The following GABRG3 variants were observed in gnomAD, a reference collection of about 807,000 sequenced individuals.
GABRG3 encodes gamma-aminobutyric acid type A receptor subunit gamma3, also known as gamma-aminobutyric acid receptor subunit gamma-3.
GABRG3 carries 25 observed loss-of-function variants against 48.8 expected under a neutral mutation model. The observed-to-expected ratio is 0.51, with a 90% CI of 0.37 to 0.72. GABRG3 has a LOEUF of 0.72. Ranked by LOEUF, GABRG3 falls within the 30% of genes least tolerant of loss-of-function variation. The probability of loss-of-function intolerance (pLI) is 0.00; values close to 1 mark genes in which losing one functional copy is unlikely to be tolerated. For missense variants in GABRG3, 394 were observed against 577.9 expected, an observed-to-expected ratio of 0.68 and a Z score of 3.26; for synonymous variants, 227 against 217.6, an observed-to-expected ratio of 1.04 and a Z score of -0.38.
chr15:27,257,524 C>A (rs998103756), intron 3 of GABRG3, among the ~76,000 whole-genome samples: 3 of 152,098 alleles, frequency 2.0e-5, no homozygotes, highest in Non-Finnish European at 2.9e-5. Context: ...ACATTGAAGT[C>A]TTTAAGATAT....
chr15:27,092,316 T>C (rs1185897921), intron 3 of GABRG3, among the ~76,000 whole-genome samples: 2 of 152,168 alleles, frequency 1.3e-5, no homozygotes, highest in East Asian at 3.9e-4. Context: ...GAATGCTTCT[T>C]TGTGTGTGTG....
intron 5 of GABRG3, among the ~76,000 whole-genome samples, chr15:27,331,741 T>C (rs1893809646): frequency 6.6e-6 from 1 of 152,202 alleles, no homozygotes; most frequent in Non-Finnish European, 1.5e-5. Context: ...CCTAGGTTCA[T>C]TGATGGTAAC....
chr15:27,159,176 A>G (rs1179967095), intron 3 of GABRG3, among the ~76,000 whole-genome samples: 1 of 152,150 alleles, frequency 6.6e-6, no homozygotes, highest in Non-Finnish European at 1.5e-5. Context: ...AGATAATACT[A>G]AAAGACTCAA....
intron 3 of GABRG3, among the ~76,000 whole-genome samples, chr15:27,194,312 G>A (rs1888427884): frequency 6.6e-6 from 1 of 152,120 alleles, no homozygotes; most frequent in African/African-American, 2.4e-5. Flanking sequence ...ATGTAAAGAT[G>A]GATTGTCAAT....
chr15:27,076,254 C>T (rs576347944), intron 3 of GABRG3, among the ~76,000 whole-genome samples: 20 of 152,036 alleles, frequency 1.3e-4, no homozygotes, highest in Non-Finnish European at 2.1e-4. Flanking sequence ...TGCCAAATCC[C>T]TGGAAGCTGC....
intron 5 of GABRG3, among the ~76,000 whole-genome samples, chr15:27,329,829 A>C (rs1404769155): frequency 6.6e-6 from 1 of 152,258 alleles, no homozygotes; most frequent in African/African-American, 2.4e-5. Flanking sequence ...TTTTAAGTTA[A>C]AATCAAAATG....
chr15:27,340,419 A>C (rs1894131116), intron 5 of GABRG3: 1 of 152,120 alleles, frequency 6.6e-6, no homozygotes, highest in East Asian at 1.9e-4. Flanking sequence ...TAAATAATCT[A>C]CCCACCAATG....
intron 3 of GABRG3, among the ~76,000 whole-genome samples, chr15:27,139,938 TG>T (rs1352503391): frequency 2.0e-5 from 3 of 152,110 alleles, no homozygotes; most frequent in African/African-American, 7.2e-5. Flanking sequence ...ACCCACATAG[TG>T]AAGTTTCCAT....
At chr15:27,008,732 G>A (rs1374319329) in intron 2 of GABRG3, among the ~76,000 whole-genome samples, 1 of 151,994 alleles carries the variant, frequency 6.6e-6, no homozygotes, top group East Asian at 1.9e-4. Context: ...AAGGGAAGGA[G>A]AGAATATTAA....
chr15:27,218,805 G>A (rs993541937), intron 3 of GABRG3, among the ~76,000 whole-genome samples: 2 of 152,196 alleles, frequency 1.3e-5, no homozygotes, highest in Non-Finnish European at 2.9e-5. Context: ...GGTGGTGACC[G>A]TGGCCAGGTC....
intron 3 of GABRG3, among the ~76,000 whole-genome samples, chr15:27,193,812 C>G (rs208140): frequency 6.6e-6 from 1 of 151,110 alleles, no homozygotes; most frequent in African/African-American, 2.4e-5. Context: ...TTTTCTGCGT[C>G]GCTCACGCTG....
chr15:27,386,089 A>G (rs376060115), intron 5 of GABRG3, among the ~76,000 whole-genome samples: 11 of 152,236 alleles, frequency 7.2e-5, no homozygotes, highest in African/African-American at 2.6e-4. Context: ...GTTTACCTCC[A>G]TAGGTATGGC....
At chr15:27,030,895 C>A (rs1377394439) in intron 3 of GABRG3, among the ~76,000 whole-genome samples, 3 of 152,058 alleles carry the variant, frequency 2.0e-5, no homozygotes, top group Non-Finnish European at 4.4e-5. Flanking sequence ...GCTGTACATA[C>A]CTGTAGGGCC....
At chr15:27,153,797 T>C (rs1898367145) in intron 3 of GABRG3, among the ~76,000 whole-genome samples, 1 of 152,208 alleles carries the variant, frequency 6.6e-6, no homozygotes, top group African/African-American at 2.4e-5. Context: ...TGTACTTATT[T>C]AGAGTCCCTT....
chr15:27,155,674 G>A (rs919078196), intron 3 of GABRG3, among the ~76,000 whole-genome samples: 2 of 152,108 alleles, frequency 1.3e-5, no homozygotes, highest in African/African-American at 4.8e-5. Context: ...ACCCTTGGAG[G>A]CTGTCTCCTA....
intron 5 of GABRG3, among the ~76,000 whole-genome samples, chr15:27,470,224 T>C (rs527843858): frequency 6.6e-6 from 1 of 152,020 alleles, no homozygotes; most frequent in Admixed American, 6.6e-5. Context: ...TTTCTTTTTC[T>C]TTTTTCTTTC....
intron 5 of GABRG3, among the ~76,000 whole-genome samples, chr15:27,367,691 A>G (rs570528132): frequency 2.0e-5 from 3 of 152,338 alleles, no homozygotes; most frequent in South Asian, 2.1e-4. Context: ...TGCATATAAT[A>G]TATGTGGTGA....
At chr15:27,320,736 A>G (rs1893395253) in intron 3 of GABRG3, among the ~76,000 whole-genome samples, 1 of 152,194 alleles carries the variant, frequency 6.6e-6, no homozygotes, top group Non-Finnish European at 1.5e-5. Flanking sequence ...CAGTGGTCAG[A>G]TTAATAAAAA....
chr15:27,344,912 T>G (rs1356938635), intron 5 of GABRG3, among the ~76,000 whole-genome samples: 1 of 152,170 alleles, frequency 6.6e-6, no homozygotes, highest in South Asian at 2.1e-4. Context: ...TTATTTTGTC[T>G]TCTTGGAGAA....
Sources: gnomAD v4.1 joint callset for allele counts (sites outside exome capture counted in the v4.1 genomes callset) on GRCh38, gnomAD v4.1.1 for gene constraint, MANE v1.5 for transcripts, NCBI Gene and HGNC (gene_info 2026-07-23, HGNC 2026-07-21) for gene names.